CREBZF: variants seen among roughly 807,000 people sequenced by gnomAD.
CREBZF encodes CREB/ATF bZIP transcription factor, also known as HCF-binding transcription factor Zhangfei.
In CREBZF, 8 loss-of-function variants were observed where a neutral mutation model predicts 21.1. The observed-to-expected ratio is 0.38, with a 90% CI of 0.22 to 0.68. The LOEUF is 0.68. CREBZF is among the 30% of genes least tolerant of loss of function. CREBZF has a pLI of 0.51. For synonymous variants in CREBZF, 270 were observed against 223.3 expected (o/e 1.21, Z -1.86); for missense variants, 518 against 484.3 (o/e 1.07, Z -0.65).
chr11:85,679,985 T>C (rs569063753), intron 1 of CREBZF, among the ~76,000 whole-genome samples: 3 of 152,348 alleles, frequency 2.0e-5, no homozygotes, highest in Admixed American at 2.0e-4. Flanking sequence ...AGTTCAAAAG[T>C]CAAATGATAT....
In CREBZF at chr11:85,664,630, C is replaced by T. The variant is rs1245354524; in HGVS notation, c.246G>A (p.Glu82=). The change falls in exon 1 of 1, where the codon GAG becomes GAA. Residue 82 remains glutamate (E), a synonymous_variant. Coordinates refer to ENST00000527447, the MANE Select transcript of CREBZF (RefSeq NM_001039618.4). The surrounding 1 kb of genome is among the most constrained non-coding windows in gnomAD (Gnocchi z 5.5). ...GGCTGGCGATCGCCTCCTCCTCCAT[C>T]TCCTCGGGGGAGGGCGCGCGCACGG... ...GVAVRAPSPE[E]MEEEAIASLP... The T allele has an allele frequency of 4.3e-6, 7 of 1,612,538 alleles. No homozygotes were observed. The highest frequency in any genetic ancestry group is 5.9e-6 in the Non-Finnish European group (7 of 1,179,412).
rs1009498764 is a variant in CREBZF, at chr11:85,665,098, G to C, written c.-223C>G. 1.7e-5 allele frequency: 7 copies of C among 419,634 alleles called. No individual in the cohort carries two copies. The highest frequency in any genetic ancestry group is 8.5e-5 in the Admixed American group (2 of 23,654). 26.0% of individuals were successfully genotyped at this position (419,634 alleles called of 1,614,324 possible). On this transcript the variant is annotated 5_prime_UTR_variant, in exon 1 of 1. Coordinates refer to ENST00000527447, the MANE Select transcript of CREBZF (RefSeq NM_001039618.4). ...GGTGAGGCCCTGCGATGACTCGACC[G>C]CGCCACCCAGACAACGGCGTAGCCG...
Position 85,662,154 on chromosome 11 carries a change from T to A in CREBZF, c.*1657A>T. The A allele has an allele frequency of 2.1e-6, 1 of 480,020 alleles. No homozygotes were observed. Among genetic ancestry groups the A allele is most frequent in the Non-Finnish European group, 3.9e-6 (1 of 253,908 alleles). The allele number at this position is 480,020 out of a possible 1,614,324, so 29.7% of individuals were successfully genotyped here. A position where few individuals can be genotyped will look rare whatever the true frequency, so the allele number is the denominator to read the frequency against. On this transcript the variant is annotated 3_prime_UTR_variant, in exon 1 of 1. Transcript: ENST00000527447. ...TTTTACAAAATATGCTGTGATGCAC[T>A]GGAAACCAAAGACCAATTCAGGTCT...
Position 85,659,158 on chromosome 11 carries a change from T to G in CREBZF, c.*4653A>C, listed in dbSNP as rs1363545735. On this transcript the variant is annotated 3_prime_UTR_variant, in exon 1 of 1. Coordinates refer to ENST00000527447, the MANE Select transcript of CREBZF (RefSeq NM_001039618.4). ...ATTAACATTTAGGAGTCTCAAAACT[T>G]TGTATTGGCTGTGAGTCTGGGGGAA... Among the ~76,000 whole-genome samples, 4 of 152,032 alleles carry G rather than the reference T, an allele frequency of 2.6e-5. No individual in the cohort carries two copies. Among genetic ancestry groups the G allele is most frequent in the Non-Finnish European group, 5.9e-5 (4 of 67,918 alleles).
At chr11:85,679,657 A>G (rs1026709058) in intron 1 of CREBZF, among the ~76,000 whole-genome samples, 4 of 152,236 alleles carry the variant, frequency 2.6e-5, no homozygotes, top group African/African-American at 9.6e-5. Flanking sequence ...AACACATCCA[A>G]ACCTCTAGGA....
intron 1 of CREBZF, among the ~76,000 whole-genome samples, chr11:85,675,290 C>T (rs1179839337): frequency 3.3e-5 from 5 of 152,178 alleles, no homozygotes; most frequent in Non-Finnish European, 4.4e-5. Flanking sequence ...TCATTTCTAG[C>T]TTTTGACTTA....
chr11:85,666,880 C>A (rs1049972498), upstream of CREBZF, among the ~76,000 whole-genome samples: 9 of 152,136 alleles, frequency 5.9e-5, no homozygotes, highest in Non-Finnish European at 1.0e-4. Flanking sequence ...GCTTAACATT[C>A]CATTAGGAAA....
chr11:85,670,621 G>A (rs1050828884), intron 1 of CREBZF, among the ~76,000 whole-genome samples: 5 of 152,102 alleles, frequency 3.3e-5, no homozygotes, highest in African/African-American at 1.2e-4. Flanking sequence ...TTTAACCATA[G>A]ATTTTCCAAC....
chr11:85,676,981 T>TTTTTTTTTTTTTTA (rs1168587081), intron 1 of CREBZF, among the ~76,000 whole-genome samples: 2 of 147,548 alleles, frequency 1.4e-5, no homozygotes, highest in African/African-American at 2.5e-5. Context: ...TTTTTTTTTT[T>TTTTTTTTTTTTTTA]GAGACAGAAT....
In CREBZF at chr11:85,663,893, C is replaced by A; in HGVS notation, c.983G>T (p.Cys328Phe). Residue 328 changes from cysteine (C) to phenylalanine (F), a missense_variant, in exon 1 of 1, where the codon TGT becomes TTT. Transcript: ENST00000527447. ...LEEDDSAGGV[C>F]LHVDKDKVSV... ...CACCTTATCCTTGTCCACATGGAGA[C>A]AGACTCCTCCCGCCGAGTCGTCCTC... is the stretch of plus-strand genomic sequence containing the variant. 6.2e-7 allele frequency: 1 copy of A among 1,612,874 alleles called. No individual in the cohort carries two copies. Among genetic ancestry groups the A allele is most frequent in the Non-Finnish European group, 8.5e-7 (1 of 1,179,998 alleles).
upstream of CREBZF, among the ~76,000 whole-genome samples, chr11:85,669,761 G>C (rs1015869524): frequency 6.6e-6 from 1 of 152,136 alleles, no homozygotes; most frequent in African/African-American, 2.4e-5. Context: ...ACATGTGTTC[G>C]TATACACACT....
upstream of CREBZF, among the ~76,000 whole-genome samples, chr11:85,669,505 T>G (rs1326786526): frequency 6.6e-6 from 1 of 152,056 alleles, no homozygotes; most frequent in Admixed American, 6.5e-5. Flanking sequence ...TGGGCAAGGT[T>G]GATAAAGTTC....
chr11:85,669,067 C>G (rs1176718217), upstream of CREBZF, among the ~76,000 whole-genome samples: 1 of 113,500 alleles, frequency 8.8e-6, no homozygotes, highest in African/African-American at 3.1e-5. Context: ...TTGTATTTTA[C>G]ATGGAGATTT....
chr11:85,663,764 AG>A lies in CREBZF; in HGVS notation c.*46del. 3.2e-6 allele frequency: 5 copies of A among 1,584,414 alleles called. No homozygotes were observed. Among genetic ancestry groups the A allele is most frequent in the Non-Finnish European group, 4.3e-6 (5 of 1,166,722 alleles). ...ACTAAGGTAAGTTTGACATGGTGTA[AG>A]GGAGTTGAAAGGGGTAAACGCGGAT... is the stretch of plus-strand genomic sequence containing the variant. On this transcript the variant is annotated 3_prime_UTR_variant, in exon 1 of 1. Coordinates refer to ENST00000527447, the MANE Select transcript of CREBZF (RefSeq NM_001039618.4).
upstream of CREBZF, among the ~76,000 whole-genome samples, chr11:85,666,597 T>A (rs1156573395): frequency 1.3e-5 from 2 of 152,230 alleles, no homozygotes; most frequent in East Asian, 3.9e-4. Flanking sequence ...ATGTAGTAGA[T>A]ATCCTCGAGG....
At chr11:85,675,674 T>A (rs1003320944) in intron 1 of CREBZF, among the ~76,000 whole-genome samples, 2 of 152,242 alleles carry the variant, frequency 1.3e-5, no homozygotes, top group African/African-American at 4.8e-5. Context: ...GCTCAACTTA[T>A]GGTTGCCACA....
At chr11:85,674,263 TG>T (rs2082929577) in intron 1 of CREBZF, among the ~76,000 whole-genome samples, 1 of 152,254 alleles carries the variant, frequency 6.6e-6, no homozygotes, top group African/African-American at 2.4e-5. Flanking sequence ...GCTTGCAGAA[TG>T]GATGTTGTGT....
At position 85,660,563 on chromosome 11, in the gene CREBZF, G is replaced by C; in HGVS notation, c.*3248C>G. The C allele has an allele frequency of 2.2e-6, 1 of 455,062 alleles. No homozygotes were observed. The highest frequency in any genetic ancestry group is 4.4e-6 in the Non-Finnish European group (1 of 226,290). 28.2% of individuals were successfully genotyped at this position (455,062 alleles called of 1,614,324 possible). ...CAACAGTCCAGTCAGTTAACAGGTTGTAGGAAAAGATTCGTTTTTGCAGAC... is the reference window on the plus strand; with the variant it reads ...CAACAGTCCAGTCAGTTAACAGGTTCTAGGAAAAGATTCGTTTTTGCAGAC... On this transcript the variant is annotated 3_prime_UTR_variant, in exon 1 of 1. Coordinates refer to ENST00000527447, the MANE Select transcript of CREBZF (RefSeq NM_001039618.4).
At chr11:85,668,554 AATTATT>A (rs527860786), upstream of CREBZF, among the ~76,000 whole-genome samples, 12 of 152,246 alleles carry the variant, frequency 7.9e-5, no homozygotes, top group East Asian at 7.7e-4. Context: ...CCTGCTTTGC[AATTATT>A]ATTATTATCT....
Sources: allele counts gnomAD v4.1 joint callset (sites outside exome capture counted in the v4.1 genomes callset), GRCh38; gene constraint gnomAD v4.1.1; non-coding constraint Gnocchi (gnomAD v3.1); transcripts MANE v1.5; gene names NCBI Gene and HGNC (gene_info 2026-07-23, HGNC 2026-07-21).